Variants in ZNF385D observed in about 807,000 individuals in gnomAD.
ZNF385D encodes the protein zinc finger protein 385D.
A neutral mutation model predicts 35.8 loss-of-function variants in ZNF385D; 15 were observed. That is an observed-to-expected ratio of 0.42 (90% CI 0.28 to 0.64). The LOEUF (loss-of-function observed/expected upper bound fraction) is 0.64, where lower values mean the gene tolerates loss of function less well. Among genes scored for constraint, ZNF385D ranks in the 30% least tolerant of loss-of-function variants. ZNF385D has a pLI of 0.23. For synonymous variants in ZNF385D, 212 were observed against 186.8 expected, an observed-to-expected ratio of 1.13 and a Z score of -1.10; for missense variants, 474 against 494.6, an observed-to-expected ratio of 0.96 and a Z score of 0.39.
intron 2 of ZNF385D, among the ~76,000 whole-genome samples, chr3:22,312,704 A>G (rs13076824): frequency 0.32 from 47,333 of 149,698 alleles, 7,342 homozygotes; most frequent in Non-Finnish European, 0.34. Context: ...ACAATGAGAT[A>G]CCACCTCACA....
chr3:22,263,501 T>C (rs749240537), intron 2 of ZNF385D, among the ~76,000 whole-genome samples: 3 of 152,084 alleles, frequency 2.0e-5, no homozygotes, highest in Non-Finnish European at 4.4e-5. Context: ...TTAAGTTGTA[T>C]GTTTTATGAA....
intron 1 of ZNF385D, among the ~76,000 whole-genome samples, chr3:21,688,079 G>A (rs967102253): frequency 9.9e-5 from 15 of 151,880 alleles, no homozygotes; most frequent in African/African-American, 3.4e-4. Flanking sequence ...GGTAACTTCA[G>A]TACCATAACT....
intron 3 of ZNF385D, among the ~76,000 whole-genome samples, chr3:21,843,738 C>A (rs968631318): frequency 6.6e-6 from 1 of 151,902 alleles, no homozygotes; most frequent in African/African-American, 2.4e-5. Context: ...AAATGAAACC[C>A]AGCAGATGGT....
chr3:21,717,731 C>G (rs1559548108), intron 1 of ZNF385D, among the ~76,000 whole-genome samples: 1 of 152,180 alleles, frequency 6.6e-6, no homozygotes, highest in Non-Finnish European at 1.5e-5. Context: ...AAACCCCTTT[C>G]ACTTGGTTCT....
chr3:22,241,225 C>A (rs1317087599), intron 2 of ZNF385D, among the ~76,000 whole-genome samples: 2 of 151,170 alleles, frequency 1.3e-5, no homozygotes, highest in African/African-American at 2.4e-5. Context: ...TTCTGAAAAA[C>A]CAAGCACAAC....
At position 22,340,504 on chromosome 3, in the gene ZNF385D, G is replaced by C. The variant is rs114849054; in HGVS notation, c.106+31946C>G. On this transcript the variant is annotated intron_variant, in intron 2 of 5. Coordinates refer to the ZNF385D transcript ENST00000494108. The stretch of plus-strand genomic sequence containing the variant: ...CTACTAAAAATACAAAAATTATCTG[G>C]GTGATGTGGTGCACGCCTGTAATCC... Among the ~76,000 whole-genome samples, 314 of 152,190 alleles carry C rather than the reference G, an allele frequency of 2.1e-3. 1 individual carries two copies. The highest frequency in any genetic ancestry group is 7.3e-3 in the African/African-American group (303 of 41,528).
intron 3 of ZNF385D, among the ~76,000 whole-genome samples, chr3:21,982,953 G>A (rs897216118): frequency 6.6e-6 from 1 of 151,918 alleles, no homozygotes; most frequent in Non-Finnish European, 1.5e-5. Flanking sequence ...CTTGATCATA[G>A]CGGATTAGCT....
At chr3:21,877,058 C>T (rs771963763) in intron 3 of ZNF385D, among the ~76,000 whole-genome samples, 1 of 152,032 alleles carries the variant, frequency 6.6e-6, no homozygotes, top group African/African-American at 2.4e-5. Context: ...TTACTGTGAA[C>T]CCCTAGAGGG....
chr3:21,826,545 T>C (rs1694642599), intron 3 of ZNF385D, among the ~76,000 whole-genome samples: 1 of 152,150 alleles, frequency 6.6e-6, no homozygotes, highest in Non-Finnish European at 1.5e-5. Flanking sequence ...TTGAAAGTCA[T>C]TCCTTTTTTT....
intron 2 of ZNF385D, among the ~76,000 whole-genome samples, chr3:21,571,509 T>C (rs2063333184): frequency 6.6e-6 from 1 of 152,178 alleles, no homozygotes; most frequent in South Asian, 2.1e-4. Flanking sequence ...GGATAAACTT[T>C]GGTAGGCATG....
intron 3 of ZNF385D, among the ~76,000 whole-genome samples, chr3:21,969,088 C>A (rs114147521): frequency 6.6e-6 from 1 of 152,088 alleles, no homozygotes. Flanking sequence ...GTAATCTCCA[C>A]GGACCTGTGG....
chr3:21,590,669 T>C (rs183975955), intron 2 of ZNF385D, among the ~76,000 whole-genome samples: 3 of 152,232 alleles, frequency 2.0e-5, no homozygotes, highest in Admixed American at 6.5e-5. Context: ...GTTCTTTCTT[T>C]TTTTCTTCCT....
chr3:22,225,542 T>G (rs948528517), intron 2 of ZNF385D, among the ~76,000 whole-genome samples: 1 of 152,054 alleles, frequency 6.6e-6, no homozygotes, highest in African/African-American at 2.4e-5. Context: ...TGTGGGGAGG[T>G]AACACTGAAG....
intron 2 of ZNF385D, among the ~76,000 whole-genome samples, chr3:22,236,356 G>C (rs540882549): frequency 6.6e-6 from 1 of 152,124 alleles, no homozygotes; most frequent in Non-Finnish European, 1.5e-5. Flanking sequence ...TTATTAGATG[G>C]AGTCTTGCTC....
rs1005485797 is a variant in ZNF385D at position 22,042,300 on chromosome 3, A to G, written c.325+126517T>C. ...GTGGTATTACATTATTAATACCCAC[A>G]AGGAACTTAGATTAGTGTATGGCCC... On this transcript the variant is annotated intron_variant, in intron 3 of 5. Coordinates refer to the ZNF385D transcript ENST00000494108. Among the ~76,000 whole-genome samples, 2 of 152,166 alleles carry G rather than the reference A, an allele frequency of 1.3e-5. 1 individual carries two copies. Among genetic ancestry groups the G allele is most frequent in the African/African-American group, 4.8e-5 (2 of 41,436 alleles).
At chr3:21,896,276 G>A (rs1699130185) in intron 3 of ZNF385D, among the ~76,000 whole-genome samples, 1 of 152,078 alleles carries the variant, frequency 6.6e-6, no homozygotes, top group Admixed American at 6.5e-5. Context: ...GCTGACCTTT[G>A]GGATCTTTGA....
intron 3 of ZNF385D, among the ~76,000 whole-genome samples, chr3:21,846,961 A>G (rs1696044447): frequency 6.6e-6 from 1 of 152,076 alleles, no homozygotes; most frequent in Non-Finnish European, 1.5e-5. Flanking sequence ...TGGCATAAAA[A>G]GGTCATGTAA....
chr3:22,219,863 C>G (rs1045304836), intron 2 of ZNF385D, among the ~76,000 whole-genome samples: 1 of 152,084 alleles, frequency 6.6e-6, no homozygotes, highest in Non-Finnish European at 1.5e-5. Context: ...ACTTTTAGAT[C>G]TTGGAATTGT....
Position 21,450,382 on chromosome 3 carries a change from T to A in ZNF385D, c.440-13179A>T, listed in dbSNP as rs371831051. 2.6e-5 allele frequency among the ~76,000 whole-genome samples: 4 copies of A among 152,196 alleles called. No homozygotes were observed. In the South Asian group the frequency reaches 8.3e-4, roughly 31 times the overall value. On this transcript the variant is annotated intron_variant, in intron 4 of 7. Coordinates refer to ENST00000281523, the MANE Select transcript of ZNF385D (RefSeq NM_024697.3). ...CAAAATAAATAACTGAATGAAAGAA[T>A]GAATAAATAAGAAATGTATGTATGT...
Sources: allele counts gnomAD v4.1 joint callset (sites outside exome capture counted in the v4.1 genomes callset), GRCh38; gene constraint gnomAD v4.1.1; transcripts MANE v1.5; gene names NCBI Gene and HGNC (gene_info 2026-07-23, HGNC 2026-07-21).